The following RALGAPA1 variants were observed in gnomAD, a reference collection of about 807,000 sequenced individuals.
RALGAPA1 encodes the protein ral GTPase-activating protein subunit alpha-1.
A neutral mutation model predicts 269.6 loss-of-function variants in RALGAPA1; 52 were observed. The observed-to-expected ratio is 0.19, with a 90% confidence interval of 0.15 to 0.24. RALGAPA1 has a LOEUF of 0.24. Among genes scored for constraint, RALGAPA1 ranks in the 10% least tolerant of loss-of-function variants. RALGAPA1 has a pLI of 1.00. For missense variants in RALGAPA1, 1,917 were observed against 3,013.9 expected (o/e 0.64, Z 8.52); for synonymous variants, 817 against 1,008.3 (o/e 0.81, Z 3.60).
At chr14:35,611,307 T>C (rs1387560110) in intron 35 of RALGAPA1, among the ~76,000 whole-genome samples, 1 of 151,780 alleles carries the variant, frequency 6.6e-6, no homozygotes, top group East Asian at 1.9e-4. Flanking sequence ...GGCGAGACCA[T>C]TCTGGCCAAC....
chr14:35,715,201 C>G (rs886753001), intron 16 of RALGAPA1, among the ~76,000 whole-genome samples: 2 of 152,086 alleles, frequency 1.3e-5, no homozygotes, highest in African/African-American at 2.4e-5. Context: ...CACATCAGAC[C>G]CTCTCATCCT....
Position 35,689,530 on chromosome 14 carries a change from T to C in RALGAPA1, c.2881A>G (p.Lys961Glu), listed in dbSNP as rs2066298145. Residue 961 changes from lysine to glutamate, a missense_variant, in exon 18 of 42, where the codon AAA becomes GAA. By Grantham distance (56) the Lys-to-Glu change is moderately conservative. Transcript: ENST00000680220. Reference sequence around the variant, plus strand: ...GTCACTTCCTGAGAAGCTGGGTCTTTCCCTGTCTCATTTTTACTATGATTT... The same window carrying C: ...GTCACTTCCTGAGAAGCTGGGTCTTCCCCTGTCTCATTTTTACTATGATTT... ...QENHSKNETGKDPASQEVTIA... is the reference protein window; with the variant it reads ...QENHSKNETGEDPASQEVTIA... The C allele has an allele frequency of 1.3e-5, 16 of 1,241,800 alleles. No homozygotes were observed. Among genetic ancestry groups the C allele is most frequent in the Admixed American group, 4.1e-5 (1 of 24,186 alleles). The allele number at this position is 1,241,800 out of a possible 1,614,324, so 76.9% of individuals were successfully genotyped here.
At chr14:35,636,503 C>G (rs1018031241) in intron 31 of RALGAPA1, among the ~76,000 whole-genome samples, 4 of 151,994 alleles carry the variant, frequency 2.6e-5, no homozygotes, top group Non-Finnish European at 5.9e-5. Context: ...AAAGAACATC[C>G]AAACTTCAAA....
At chr14:35,732,583 A>C (rs1316986204) in intron 12 of RALGAPA1, among the ~76,000 whole-genome samples, 3 of 152,252 alleles carry the variant, frequency 2.0e-5, no homozygotes, top group Non-Finnish European at 4.4e-5. Flanking sequence ...GGACACCAAA[A>C]GCGAACAGGG....
At chr14:35,688,137 T>C (rs2066120721) in intron 18 of RALGAPA1, among the ~76,000 whole-genome samples, 1 of 152,196 alleles carries the variant, frequency 6.6e-6, no homozygotes, top group Non-Finnish European at 1.5e-5. Context: ...TTAATTTCCA[T>C]ACTTGTGGTA....
At chr14:35,602,355 T>C (rs2059342334) in intron 36 of RALGAPA1, among the ~76,000 whole-genome samples, 1 of 152,192 alleles carries the variant, frequency 6.6e-6, no homozygotes, top group South Asian at 2.1e-4. Flanking sequence ...TTTGGTCACA[T>C]GGCAACTCAA....
chr14:35,651,088 CATA>C (rs1186937717), intron 31 of RALGAPA1, among the ~76,000 whole-genome samples: 1 of 151,910 alleles, frequency 6.6e-6, no homozygotes, highest in Non-Finnish European at 1.5e-5. Context: ...AAAAAATAGA[CATA>C]ATAACAGGAA....
chr14:35,564,480 A>ACTTTCCTACTTTGCTACT (rs1284742730), intron 39 of RALGAPA1: 13 of 152,324 alleles, frequency 8.5e-5, no homozygotes, highest in Non-Finnish European at 1.6e-4. Flanking sequence ...TGCAACAGGT[A>ACTTTCCTACTTTGCTACT]CTGGACATTT....
At chr14:35,600,285 C>A (rs1002274308) in intron 36 of RALGAPA1, among the ~76,000 whole-genome samples, 3 of 133,330 alleles carry the variant, frequency 2.3e-5, no homozygotes, top group African/African-American at 3.1e-5. Flanking sequence ...GGCTGGAGAG[C>A]AGTGACATGA....
intron 27 of RALGAPA1, among the ~76,000 whole-genome samples, chr14:35,661,918 T>C (rs1403316482): frequency 6.6e-6 from 1 of 152,132 alleles, no homozygotes; most frequent in Non-Finnish European, 1.5e-5. Context: ...TCATGTAATA[T>C]AAAATATGCA....
At chr14:35,751,201 A>G (rs2072652918) in intron 8 of RALGAPA1, among the ~76,000 whole-genome samples, 1 of 152,212 alleles carries the variant, frequency 6.6e-6, no homozygotes, top group Non-Finnish European at 1.5e-5. Flanking sequence ...AGGTTCCAAG[A>G]GATATGTTGG....
At chr14:35,707,348 G>A (rs1488961486) in intron 16 of RALGAPA1, 1 of 152,094 alleles carries the variant, frequency 6.6e-6, no homozygotes, top group Non-Finnish European at 1.5e-5. Context: ...TACAGGAATA[G>A]TGAGATATCC....
intron 39 of RALGAPA1, among the ~76,000 whole-genome samples, chr14:35,564,919 A>G (rs773932803): frequency 2.0e-5 from 3 of 152,114 alleles, no homozygotes; most frequent in Non-Finnish European, 2.9e-5. Flanking sequence ...TGGAACTCTT[A>G]TAGCATTTTA....
intron 35 of RALGAPA1, among the ~76,000 whole-genome samples, chr14:35,611,416 C>T (rs2059926520): frequency 6.6e-6 from 1 of 151,718 alleles, no homozygotes; most frequent in Non-Finnish European, 1.5e-5. Flanking sequence ...GCAGGAGAAT[C>T]ACTTGAACCT....
chr14:35,693,611 A>G (rs370406964), intron 17 of RALGAPA1, among the ~76,000 whole-genome samples: 2 of 152,160 alleles, frequency 1.3e-5, no homozygotes, highest in Non-Finnish European at 1.5e-5. Context: ...TTGAAAGTAT[A>G]GTCTTTTCAA....
intron 33 of RALGAPA1, among the ~76,000 whole-genome samples, chr14:35,632,707 A>T (rs1257969997): frequency 1.3e-5 from 2 of 152,186 alleles, no homozygotes; most frequent in African/African-American, 4.8e-5. Context: ...ATTCTTTAGT[A>T]AATTTAATAA....
chr14:35,805,390 C>T (rs2077290680), intron 1 of RALGAPA1, among the ~76,000 whole-genome samples: 2 of 149,442 alleles, frequency 1.3e-5, no homozygotes, highest in South Asian at 4.2e-4. Context: ...TGCAGTGAGC[C>T]GAGATCGCGC....
At chr14:35,675,471 C>T (rs1052655540) in intron 22 of RALGAPA1, among the ~76,000 whole-genome samples, 6 of 152,092 alleles carry the variant, frequency 3.9e-5, no homozygotes, top group African/African-American at 4.8e-5. Context: ...CCACCGCACC[C>T]GACCGAAAAA....
chr14:35,750,970 A>C (rs1210483009), intron 8 of RALGAPA1, among the ~76,000 whole-genome samples: 1 of 152,182 alleles, frequency 6.6e-6, no homozygotes, highest in African/African-American at 2.4e-5. Context: ...AGAACCATTT[A>C]AAATAAATAA....
Sources: gnomAD v4.1 joint callset for allele counts (sites outside exome capture counted in the v4.1 genomes callset) on GRCh38, gnomAD v4.1.1 for gene constraint, MANE v1.5 for transcripts, NCBI Gene and HGNC (gene_info 2026-07-23, HGNC 2026-07-21) for gene names.